SPMIP8: variants seen among roughly 807,000 people sequenced by gnomAD.
The protein encoded by SPMIP8 is testicular tissue protein Li 196.
chr16:57,985,763 A>G, the SPMIP8 span: 1 of 1,181,432 alleles, frequency 8.5e-7, no homozygotes, highest in Non-Finnish European at 1.2e-6. Context: ...ACCCTTGCGG[A>G]GTGGAGGCGT....
the SPMIP8 span, chr16:57,978,024 AC>A: frequency 6.2e-7 from 1 of 1,613,720 alleles, no homozygotes; most frequent in South Asian, 1.1e-5. Context: ...CCAGTCCACC[AC>A]CTACTGCCGC....
At chr16:57,982,372 A>C in the SPMIP8 span, among the ~76,000 whole-genome samples, 1 of 152,224 alleles carries the variant, frequency 6.6e-6, no homozygotes. Context: ...GTCTTAGTCT[A>C]AAACAGTCCA....
At chr16:57,984,300 C>T in the SPMIP8 span, 1 of 1,614,068 alleles carries the variant, frequency 6.2e-7, no homozygotes, top group Non-Finnish European at 8.5e-7. Flanking sequence ...CTTGTTTCAA[C>T]AGATGAATTT....
the SPMIP8 span, chr16:57,987,604 C>G: frequency 3.0e-6 from 2 of 657,900 alleles, no homozygotes; most frequent in Non-Finnish European, 4.5e-6. Context: ...TGTTGCACAG[C>G]CTGGGAGAGG....
chr16:57,980,800 T>A, the SPMIP8 span, among the ~76,000 whole-genome samples: 1 of 152,186 alleles, frequency 6.6e-6, no homozygotes, highest in Non-Finnish European at 1.5e-5. Context: ...GTTCAGGTGA[T>A]CCTGCCACTT....
At chr16:57,977,976 A>G in the SPMIP8 span, 1 of 1,614,164 alleles carries the variant, frequency 6.2e-7, no homozygotes, top group Non-Finnish European at 8.5e-7. Context: ...CCACATGGAC[A>G]GGGACACCGT....
chr16:57,981,392 A>ATTATTATTATTATTATTATT, the SPMIP8 span, among the ~76,000 whole-genome samples: 449 of 83,568 alleles, frequency 5.4e-3, 4 homozygotes, highest in Middle Eastern at 0.013. Context: ...TAATAATAAT[A>ATTATTATTATTATTATTATT]ATTATTATTA....
the SPMIP8 span, chr16:57,986,250 A>C: frequency 8.7e-5 from 28 of 321,836 alleles, no homozygotes; most frequent in East Asian, 1.6e-4. Flanking sequence ...TAAGAAACAC[A>C]AGGGAGAGAG....
chr16:57,979,372 C>G, the SPMIP8 span, among the ~76,000 whole-genome samples: 2 of 152,134 alleles, frequency 1.3e-5, no homozygotes, highest in Non-Finnish European at 2.9e-5. Context: ...GAACACTCCA[C>G]AGGGAAAAGG....
At chr16:57,983,757 G>A in the SPMIP8 span, among the ~76,000 whole-genome samples, 4 of 152,040 alleles carry the variant, frequency 2.6e-5, no homozygotes, top group Admixed American at 6.6e-5. Context: ...GACTACAGTC[G>A]CGTGCCACCA....
the SPMIP8 span, chr16:57,977,802 C>G: frequency 2.5e-6 from 4 of 1,608,112 alleles, no homozygotes; most frequent in Non-Finnish European, 2.5e-6. Context: ...CCTTAGAACC[C>G]TCTGCCCCCC....
the SPMIP8 span, chr16:57,977,994 T>A: frequency 1.2e-6 from 2 of 1,614,148 alleles, no homozygotes; most frequent in Non-Finnish European, 1.7e-6. Context: ...CGTCAAGGCC[T>A]GCCTTCCTGA....
the SPMIP8 span, chr16:57,978,059 A>G: frequency 2.7e-5 from 44 of 1,604,618 alleles, no homozygotes; most frequent in Non-Finnish European, 3.7e-5. Flanking sequence ...CCAGTGTAGG[A>G]TCCCCTTTGG....
chr16:57,977,749 A>AT, the SPMIP8 span: 5 of 1,535,868 alleles, frequency 3.3e-6, no homozygotes, highest in East Asian at 1.1e-4. Flanking sequence ...GGTTGTTTTC[A>AT]TGCAGAGAAG....
At chr16:57,984,062 C>T in the SPMIP8 span, among the ~76,000 whole-genome samples, 3 of 151,612 alleles carry the variant, frequency 2.0e-5, no homozygotes, top group Non-Finnish European at 2.9e-5. Context: ...CGCCACCATG[C>T]CTGGCTAATT....
the SPMIP8 span, among the ~76,000 whole-genome samples, chr16:57,977,575 GTGTGTGTGTGTA>G: frequency 7.9e-5 from 11 of 138,824 alleles, no homozygotes; most frequent in Non-Finnish European, 1.2e-4. Context: ...GTGTGTGTGT[GTGTGTGTGTGTA>G]TGTGTGTGTT....
chr16:57,985,438 G>A, the SPMIP8 span: 2 of 1,613,484 alleles, frequency 1.2e-6, no homozygotes, highest in Non-Finnish European at 1.7e-6. Flanking sequence ...GGGCGTCCGT[G>A]CTCCCCCGAC....
the SPMIP8 span, chr16:57,985,122 A>ATTGTGGGC: frequency 7.8e-7 from 1 of 1,277,646 alleles, no homozygotes; most frequent in Middle Eastern, 2.8e-4. Context: ...GCGGGGCTGG[A>ATTGTGGGC]TTGTGGGCGG....
At chr16:57,981,389 A>ATTATTATTATTATTATT in the SPMIP8 span, among the ~76,000 whole-genome samples, 1 of 132,912 alleles carries the variant, frequency 7.5e-6, no homozygotes, top group African/African-American at 2.8e-5. Context: ...CAATAATAAT[A>ATTATTATTATTATTATT]ATAATTATTA....
Sources: gnomAD v4.1 joint callset for allele counts (sites outside exome capture counted in the v4.1 genomes callset) on GRCh38, gnomAD v4.1.1 for gene constraint, MANE v1.5 for transcripts, NCBI Gene and HGNC (gene_info 2026-07-23, HGNC 2026-07-21) for gene names.